The following MCOLN2 variants were observed in gnomAD, a reference collection of about 807,000 sequenced individuals.
MCOLN2 encodes the protein mucolipin TRP cation channel 2, also known as mucolipin-2.
MCOLN2 carries 57 observed loss-of-function variants against 67.5 expected under a neutral mutation model. The ratio of observed to expected loss-of-function variants is 0.84; its 90% CI spans 0.68 to 1.05. The LOEUF (loss-of-function observed/expected upper bound fraction) is 1.05, where lower values mean the gene tolerates loss of function less well. Among genes scored for constraint, MCOLN2 ranks in the 50% least tolerant of loss-of-function variants. The pLI is 0.00. For synonymous variants in MCOLN2, 246 were observed against 233.3 expected (o/e 1.05, Z -0.50); for missense variants, 620 against 678.8 (o/e 0.91, Z 0.96).
At chr1:84,992,000 C>T (rs1290381394) in intron 1 of MCOLN2, among the ~76,000 whole-genome samples, 1 of 152,110 alleles carries the variant, frequency 6.6e-6, no homozygotes, top group Non-Finnish European at 1.5e-5. Flanking sequence ...GATGACTCTC[C>T]CTAAGGAAAA....
chr1:84,982,511 T>C (rs565676795), intron 1 of MCOLN2, among the ~76,000 whole-genome samples: 4 of 152,306 alleles, frequency 2.6e-5, no homozygotes, highest in African/African-American at 9.6e-5. Flanking sequence ...ATAATATACA[T>C]ATGGTTCAGC....
intron 1 of MCOLN2, among the ~76,000 whole-genome samples, chr1:84,994,355 C>G (rs923961692): frequency 1.9e-5 from 1 of 52,548 alleles, no homozygotes; most frequent in Non-Finnish European, 5.3e-5. Context: ...CTGGCTTGTC[C>G]TCTCTACTAG....
At chr1:84,992,657 A>G (rs1343571644) in intron 1 of MCOLN2, among the ~76,000 whole-genome samples, 2 of 152,378 alleles carry the variant, frequency 1.3e-5, no homozygotes, top group South Asian at 2.1e-4. Flanking sequence ...ATACTGCAGT[A>G]AAGCAAGTCA....
rs761132728 is a variant in MCOLN2 at position 84,965,693 on chromosome 1, A to T, written c.93T>A (p.His31Gln). The T allele has an allele frequency of 6.2e-7, 1 of 1,613,098 alleles. No homozygotes were observed. The highest frequency in any genetic ancestry group is 8.5e-7 in the Non-Finnish European group (1 of 1,179,726). Residue 31 changes from histidine (H) to glutamine (Q), a missense_variant, in exon 2 of 14, where the codon CAT becomes CAA. By Grantham distance (24) the His-to-Gln change is conservative (BLOSUM62 0). Transcript: ENST00000370608. ...FRLTVRNAMAHRDSEMKEECL... is the reference protein window; with the variant it reads ...FRLTVRNAMAQRDSEMKEECL... Reference sequence around the variant, plus strand: ...ATTCTTCTTTCATCTCAGAATCACGATGTGCCATTGCATTTCTGCCACAGA... The same window carrying T: ...ATTCTTCTTTCATCTCAGAATCACGTTGTGCCATTGCATTTCTGCCACAGA...
chr1:84,983,325 A>AGTGAT (rs1214681383), intron 1 of MCOLN2, among the ~76,000 whole-genome samples: 10 of 152,272 alleles, frequency 6.6e-5, no homozygotes, highest in African/African-American at 2.4e-4. Flanking sequence ...GTGGGATTGC[A>AGTGAT]GTGATGCAAT....
chr1:84,926,625 G>T lies in MCOLN2; in HGVS notation c.*60C>A. On this transcript the variant is annotated 3_prime_UTR_variant, in exon 14 of 14. Transcript: ENST00000370608. Reference sequence around the variant, plus strand: ...GGAACTGCTTGTCCAAGTCATTTGGGGTTCCTCTGCTCAGCCGCTGGATAA... The same window carrying T: ...GGAACTGCTTGTCCAAGTCATTTGGTGTTCCTCTGCTCAGCCGCTGGATAA... 1 of 1,316,630 alleles carries T rather than the reference G, an allele frequency of 7.6e-7. No homozygotes were observed. The allele number at this position is 1,316,630 out of a possible 1,614,324, so 81.6% of individuals were successfully genotyped here.
At chr1:84,946,924 G>C (rs561716837) in intron 7 of MCOLN2, 109 bp downstream of exon 7, 4 of 602,732 alleles carry the variant, frequency 6.6e-6, no homozygotes, top group Non-Finnish European at 1.2e-5. Context: ...TGCTCGAGGC[G>C]GTTTTCTTCC....
At chr1:84,968,793 C>A (rs1338568463) in intron 1 of MCOLN2, among the ~76,000 whole-genome samples, 3 of 152,224 alleles carry the variant, frequency 2.0e-5, no homozygotes, top group African/African-American at 7.2e-5. Flanking sequence ...TAAAAAAATT[C>A]TCTGACCTAC....
chr1:84,947,142 C>G lies in MCOLN2; in HGVS notation c.748-10G>C, dbSNP rs1162432032. The stretch of plus-strand genomic sequence containing the variant: ...TATTGTCAAAGATAATCTGGAGACA[C>G]AAATGTATAGCGAGATTACAACACA... On this transcript the variant is annotated splice_polypyrimidine_tract_variant and intron_variant, in intron 6 of 13. Coordinates refer to ENST00000370608, the MANE Select transcript of MCOLN2 (RefSeq NM_153259.4). 11 of 1,348,140 alleles carry G rather than the reference C, an allele frequency of 8.2e-6. No individual in the cohort carries two copies. Among genetic ancestry groups the G allele is most frequent in the Non-Finnish European group, 1.2e-5 (11 of 939,994 alleles). 83.5% of individuals were successfully genotyped at this position (1,348,140 alleles called of 1,614,324 possible).
At chr1:84,942,555 A>C (rs1325405144) in intron 7 of MCOLN2, among the ~76,000 whole-genome samples, 2 of 151,596 alleles carry the variant, frequency 1.3e-5, no homozygotes, top group African/African-American at 4.8e-5. Context: ...GCAAACACTT[A>C]CAGTGGTTAC....
chr1:84,979,394 C>A (rs1650145768), intron 1 of MCOLN2, among the ~76,000 whole-genome samples: 1 of 152,138 alleles, frequency 6.6e-6, no homozygotes, highest in Non-Finnish European at 1.5e-5. Context: ...AGGCCAATAT[C>A]TCTAATGAAT....
chr1:84,987,447 C>CATATGTATATATGTATATATATCT, intron 1 of MCOLN2, among the ~76,000 whole-genome samples: 1 of 113,120 alleles, frequency 8.8e-6, no homozygotes, highest in South Asian at 2.5e-4. Flanking sequence ...TAGATATATA[C>CATATGTATATATGTATATATATCT]ATATATACAT....
chr1:84,969,908 C>A (rs1649580252), intron 1 of MCOLN2, among the ~76,000 whole-genome samples: 1 of 152,150 alleles, frequency 6.6e-6, no homozygotes, highest in African/African-American at 2.4e-5. Context: ...GGTGGGAAAG[C>A]CCATAAGAGT....
chr1:84,993,694 A>G (rs976879425), intron 1 of MCOLN2, among the ~76,000 whole-genome samples: 3 of 145,768 alleles, frequency 2.1e-5, no homozygotes, highest in East Asian at 2.0e-4. Context: ...GCAGTGGCGC[A>G]ATCTCGGCTC....
intron 9 of MCOLN2, among the ~76,000 whole-genome samples, chr1:84,938,614 A>G (rs1647570859): frequency 6.6e-6 from 1 of 152,252 alleles, no homozygotes; most frequent in African/African-American, 2.4e-5. Flanking sequence ...ACAGAGGGAC[A>G]CCACAGACAC....
At position 84,952,387 on chromosome 1, in the gene MCOLN2, T is replaced by C. The variant is rs1043036853; in HGVS notation, c.651-48A>G. On this transcript the variant is annotated intron_variant, in intron 5 of 13. Transcript: ENST00000370608. ...TATAAATTGTCATAATCTTACTATA[T>C]ACTATTCTCCTTCTCCCACCCTCAT... 4 of 1,570,940 alleles carry C rather than the reference T, an allele frequency of 2.5e-6. No homozygotes were observed. The African/African-American group carries it at 4.1e-5, about 16-fold the overall frequency.
chr1:84,927,684 AGGGGG>A (rs1328713198), intron 13 of MCOLN2, among the ~76,000 whole-genome samples: 1 of 152,260 alleles, frequency 6.6e-6, no homozygotes, highest in Non-Finnish European at 1.5e-5. Flanking sequence ...GTCACCAGAC[AGGGGG>A]CACAAAAACC....
At chr1:84,990,675 T>C (rs532645883) in intron 1 of MCOLN2, among the ~76,000 whole-genome samples, 1 of 152,158 alleles carries the variant, frequency 6.6e-6, no homozygotes, top group South Asian at 2.1e-4. Context: ...CCCAGAGCTT[T>C]GGGAAGCTGA....
rs952555795 is a variant in MCOLN2, at chr1:84,938,141, T to A, written c.1111-59A>T. On this transcript the variant is annotated intron_variant, in intron 9 of 13. Coordinates refer to ENST00000370608, the MANE Select transcript of MCOLN2 (RefSeq NM_153259.4). The stretch of plus-strand genomic sequence containing the variant: ...GTAAAATATTTGACTCCACTTAGCT[T>A]ATTAGCCTTACATTAAACCAATTAA... 20 of 1,242,718 alleles carry A rather than the reference T, an allele frequency of 1.6e-5. No individual in the cohort carries two copies. In the South Asian group the frequency reaches 2.7e-4, roughly 16 times the overall value. 77.0% of individuals were successfully genotyped at this position (1,242,718 alleles called of 1,614,324 possible). A position where few individuals can be genotyped will look rare whatever the true frequency, so the allele number is the denominator to read the frequency against.
Sources: gnomAD v4.1 joint callset for allele counts (sites outside exome capture counted in the v4.1 genomes callset) on GRCh38, gnomAD v4.1.1 for gene constraint, MANE v1.5 for transcripts, NCBI Gene and HGNC (gene_info 2026-07-23, HGNC 2026-07-21) for gene names.